Variants in USP15 observed in about 807,000 individuals in gnomAD.
USP15 encodes ubiquitin specific peptidase 15, also known as ubiquitin carboxyl-terminal hydrolase 15.
A neutral mutation model predicts 127.1 loss-of-function variants in USP15; 18 were observed. The ratio of observed to expected loss-of-function variants is 0.14; its 90% CI spans 0.10 to 0.21. The LOEUF (loss-of-function observed/expected upper bound fraction) is 0.21. Among genes scored for constraint, USP15 ranks in the 10% least tolerant of loss-of-function variants. USP15 has a pLI of 1.00. For synonymous variants in USP15, 364 were observed against 393.7 expected (o/e 0.92, Z 0.89); for missense variants, 805 against 1,159.9 (o/e 0.69, Z 4.44).
At chr12:62,267,193 G>A (rs1016685009) in intron 1 of USP15, 7 of 151,870 alleles carry the variant, frequency 4.6e-5, no homozygotes, top group Admixed American at 1.3e-4. Context: ...CACATTCTGT[G>A]TCTCATATTC....
intron 1 of USP15, among the ~76,000 whole-genome samples, chr12:62,276,511 G>C (rs549205161): frequency 6.6e-6 from 1 of 152,016 alleles, no homozygotes; most frequent in East Asian, 1.9e-4. Flanking sequence ...AAGATATAAA[G>C]GGTAATAATC....
intron 8 of USP15, among the ~76,000 whole-genome samples, chr12:62,371,672 T>C (rs1342961596): frequency 6.6e-6 from 1 of 152,182 alleles, no homozygotes; most frequent in Non-Finnish European, 1.5e-5. Flanking sequence ...AAAAAATTAG[T>C]CCTTTCCATG....
At chr12:62,312,321 A>G (rs946504207) in intron 3 of USP15, 1 of 343,286 alleles carries the variant, frequency 2.9e-6, no homozygotes, top group Non-Finnish European at 6.0e-6. Context: ...TAAAGTTTCC[A>G]TGAAACTTTT....
At chr12:62,320,824 A>T (rs529057203) in intron 4 of USP15, among the ~76,000 whole-genome samples, 1 of 152,264 alleles carries the variant, frequency 6.6e-6, no homozygotes, top group African/African-American at 2.4e-5. Flanking sequence ...TTCATATATC[A>T]TAAAATATTT....
intron 8 of USP15, among the ~76,000 whole-genome samples, chr12:62,370,846 C>A (rs2066641262): frequency 6.6e-6 from 1 of 152,134 alleles, no homozygotes; most frequent in African/African-American, 2.4e-5. Context: ...ACTCAAGATG[C>A]CTACTTACAC....
At chr12:62,391,763 T>C (rs2137621460) in intron 16 of USP15, 53 bp from the exon 17 acceptor site, 1 of 1,423,754 alleles carries the variant, frequency 7.0e-7, no homozygotes, top group East Asian at 2.5e-5. Flanking sequence ...TAAAATATAC[T>C]TTAATACTAA....
chr12:62,403,852 A>ACC, intron 21 of USP15, among the ~76,000 whole-genome samples: 1 of 152,138 alleles, frequency 6.6e-6, no homozygotes, highest in South Asian at 2.1e-4. Context: ...GGAGGAATTT[A>ACC]CCTTTTCCTT....
At chr12:62,337,724 A>G (rs1035360637) in intron 6 of USP15, among the ~76,000 whole-genome samples, 11 of 151,040 alleles carry the variant, frequency 7.3e-5, no homozygotes, top group Non-Finnish European at 1.3e-4. Context: ...GAGTGAGAAC[A>G]TGTGGTGTTT....
At chr12:62,282,840 G>T (rs977020179) in intron 1 of USP15, among the ~76,000 whole-genome samples, 21 of 152,286 alleles carry the variant, frequency 1.4e-4, no homozygotes, top group African/African-American at 4.6e-4. Flanking sequence ...GATTTATTAA[G>T]TACTTTGGGA....
rs569446479 is a variant in USP15, at chr12:62,405,694, C to G, written c.*1319C>G. 1 of 152,632 alleles carries G rather than the reference C, an allele frequency of 6.6e-6. No individual in the cohort carries two copies. The highest frequency in any genetic ancestry group is 1.5e-5 in the Non-Finnish European group (1 of 67,970). 9.5% of individuals were successfully genotyped at this position (152,632 alleles called of 1,614,324 possible). On this transcript the variant is annotated 3_prime_UTR_variant, in exon 22 of 22. Coordinates refer to ENST00000280377, the MANE Select transcript of USP15 (RefSeq NM_001252078.2). ...GGGGCACATTTCACATATCGACTAC[C>G]TGAGAAATTGCTTTGTGTCCCACTG... is the stretch of plus-strand genomic sequence containing the variant.
At chr12:62,360,418 A>G (rs1046417436) in intron 8 of USP15, among the ~76,000 whole-genome samples, 2 of 152,052 alleles carry the variant, frequency 1.3e-5, no homozygotes, top group African/African-American at 4.8e-5. Flanking sequence ...TTTTTTAAAG[A>G]TTTAATTTAA....
chr12:62,377,727 CAA>C (rs1029355233), intron 8 of USP15, among the ~76,000 whole-genome samples: 1 of 133,338 alleles, frequency 7.5e-6, no homozygotes. Flanking sequence ...ATTCCATCTC[CAA>C]AAAAAAAAAG....
rs573346235 is a variant in USP15 at position 62,293,889 on chromosome 12, T to TC, written c.90-290_90-289insC. Among the ~76,000 whole-genome samples the TC allele has an allele frequency of 3.1e-3, 470 of 152,352 alleles. 1 individual carries two copies. Among genetic ancestry groups the TC allele is most frequent in the African/African-American group, 9.8e-3 (409 of 41,584 alleles). On this transcript the variant is annotated intron_variant, in intron 1 of 21. Coordinates refer to ENST00000280377, the MANE Select transcript of USP15 (RefSeq NM_001252078.2). ...TTTTTAAATTTATTTTGACAAATTC[T>TC]TACGGTTATTTCCATTTTTATTCAA...
chr12:62,353,937 G>T (rs771681597), intron 7 of USP15, among the ~76,000 whole-genome samples: 31 of 151,966 alleles, frequency 2.0e-4, no homozygotes, highest in Non-Finnish European at 3.8e-4. Flanking sequence ...ATTGATTAAT[G>T]TTACATTTCT....
chr12:62,310,596 T>TTA (rs944691846), intron 3 of USP15, among the ~76,000 whole-genome samples: 17 of 151,870 alleles, frequency 1.1e-4, no homozygotes, highest in Admixed American at 2.6e-4. Context: ...ACTCCATTGT[T>TTA]TATATATATA....
chr12:62,335,799 C>CT, intron 6 of USP15: 1 of 985,240 alleles, frequency 1.0e-6, no homozygotes, highest in Non-Finnish European at 1.2e-6. Flanking sequence ...TCTTATTTGT[C>CT]TTTCTTTTAA....
intron 8 of USP15, among the ~76,000 whole-genome samples, chr12:62,380,553 A>G (rs571826084): frequency 6.6e-6 from 1 of 152,032 alleles, no homozygotes; most frequent in Non-Finnish European, 1.5e-5. Flanking sequence ...GTGAGTTTCT[A>G]CTATTTTCCA....
chr12:62,263,467 GATTT>G (rs1265077498), intron 1 of USP15, among the ~76,000 whole-genome samples: 3 of 152,130 alleles, frequency 2.0e-5, no homozygotes, highest in African/African-American at 7.2e-5. Context: ...CAAGTATAAA[GATTT>G]ATTTCATTCT....
At chr12:62,307,257 C>T (rs906257372) in intron 3 of USP15, among the ~76,000 whole-genome samples, 1 of 152,148 alleles carries the variant, frequency 6.6e-6, no homozygotes, top group Non-Finnish European at 1.5e-5. Flanking sequence ...TACTTAACTT[C>T]AAGCATGTGC....
Sources: gnomAD v4.1 joint callset for allele counts (sites outside exome capture counted in the v4.1 genomes callset) on GRCh38, gnomAD v4.1.1 for gene constraint, MANE v1.5 for transcripts, NCBI Gene and HGNC (gene_info 2026-07-23, HGNC 2026-07-21) for gene names.